Variants in SLC26A5 observed in about 807,000 individuals in gnomAD.
SLC26A5 encodes prestin.
SLC26A5 carries 51 observed loss-of-function variants against 81.0 expected under a neutral mutation model. The ratio of observed to expected loss-of-function variants is 0.63; its 90% CI spans 0.50 to 0.80. The LOEUF is 0.80. Among genes scored for constraint, SLC26A5 ranks in the 30% least tolerant of loss-of-function variants. The probability of loss-of-function intolerance (pLI) is 0.00; values close to 1 mark genes in which losing one functional copy is unlikely to be tolerated. For synonymous variants in SLC26A5, 325 were observed against 332.8 expected, an observed-to-expected ratio of 0.98 and a Z score of 0.25; for missense variants, 771 against 905.8, an observed-to-expected ratio of 0.85 and a Z score of 1.91.
intron 2 of SLC26A5, among the ~76,000 whole-genome samples, chr7:103,438,354 T>C (rs1826618487): frequency 1.3e-5 from 2 of 151,938 alleles, no homozygotes; most frequent in African/African-American, 4.8e-5. Context: ...TTCGTCATAA[T>C]TTTAAAAAAA....
rs554189303 is a variant in SLC26A5 at position 103,363,110 on chromosome 7, T to TA, written c.2042-10185_2042-10184insT. Among the ~76,000 whole-genome samples, 41 of 152,272 alleles carry TA rather than the reference T, an allele frequency of 2.7e-4. No individual in the cohort carries two copies. The East Asian group carries it at 6.8e-3, about 25-fold the overall frequency. ...AGCCCGGCAGTATTTTATATATATA[T>TA]TTTTTGAGACAGAGTCTCAGCCTGT... On this transcript the variant is annotated intron_variant, in intron 19 of 19. Coordinates refer to the SLC26A5 transcript ENST00000339444.
intron 8 of SLC26A5, among the ~76,000 whole-genome samples, chr7:103,400,392 G>A (rs1395770998): frequency 6.6e-6 from 1 of 152,148 alleles, no homozygotes; most frequent in Non-Finnish European, 1.5e-5. Flanking sequence ...TCTGTTCATA[G>A]CCTTTGCCCA....
At chr7:103,411,618 A>G in intron 5 of SLC26A5, 32 bp from the exon 6 acceptor site, 1 of 1,613,268 alleles carries the variant, frequency 6.2e-7, no homozygotes, top group Non-Finnish European at 8.5e-7. Flanking sequence ...ATCCCTGTTC[A>G]GGGTTCAGAG....
chr7:103,415,535 G>C (rs1165885471), intron 4 of SLC26A5, among the ~76,000 whole-genome samples: 1 of 152,160 alleles, frequency 6.6e-6, no homozygotes, highest in Admixed American at 6.5e-5. Context: ...TGAAGGCCAG[G>C]GGTGCTGCTA....
At chr7:103,436,621 C>T (rs528633080) in intron 2 of SLC26A5, among the ~76,000 whole-genome samples, 2 of 152,220 alleles carry the variant, frequency 1.3e-5, no homozygotes, top group East Asian at 3.9e-4. Context: ...AAAGCATGTG[C>T]CAAGCCCAAA....
chr7:103,360,660 G>A (rs556045187), intron 19 of SLC26A5, among the ~76,000 whole-genome samples: 1 of 152,264 alleles, frequency 6.6e-6, no homozygotes, highest in East Asian at 1.9e-4. Context: ...TTATGTAGCA[G>A]CTTTCTAATG....
intron 8 of SLC26A5, among the ~76,000 whole-genome samples, chr7:103,399,937 A>G (rs1298881170): frequency 1.3e-5 from 2 of 152,094 alleles, no homozygotes; most frequent in Non-Finnish European, 2.9e-5. Flanking sequence ...TCCATGGTGT[A>G]TATGTGCCAC....
rs1472364379 is a variant in SLC26A5, at chr7:103,420,827, G to A, written c.203C>T (p.Thr68Ile). Residue 68 changes from threonine to isoleucine, a missense_variant, in exon 4 of 20, where the codon ACT becomes ATT. Coordinates refer to ENST00000306312, the MANE Select transcript of SLC26A5 (RefSeq NM_198999.3). ...GAATTTGTATGCTGGCAGCCATTTAGTTATGGGTAGGAACATATAAATGAT... is the reference window on the plus strand; with the variant it reads ...GAATTTGTATGCTGGCAGCCATTTAATTATGGGTAGGAACATATAAATGAT... ...RNIIYMFLPI[T>I]KWLPAYKFKE... 1 of 1,613,668 alleles carries A rather than the reference G, an allele frequency of 6.2e-7. No homozygotes were observed. The highest frequency in any genetic ancestry group is 8.5e-7 in the Non-Finnish European group (1 of 1,179,572).
At chr7:103,381,511 CACACAATACCAT>C (rs552185926) in intron 14 of SLC26A5, among the ~76,000 whole-genome samples, 132 of 151,138 alleles carry the variant, frequency 8.7e-4, no homozygotes, top group African/African-American at 3.0e-3. Flanking sequence ...CTACATGCCA[CACACAATACCAT>C]ACACAATACA....
intron 15 of SLC26A5, among the ~76,000 whole-genome samples, chr7:103,379,612 C>T (rs532385678): frequency 4.8e-4 from 73 of 152,082 alleles, no homozygotes; most frequent in Non-Finnish European, 4.7e-4. Context: ...AGTCAGTCTT[C>T]GTTTTATTTT....
At chr7:103,429,287 C>G (rs1825902753) in intron 2 of SLC26A5, among the ~76,000 whole-genome samples, 1 of 152,196 alleles carries the variant, frequency 6.6e-6, no homozygotes, top group South Asian at 2.1e-4. Context: ...AAATAATTTA[C>G]ACATTTATAA....
chr7:103,352,806 C>A, exon 20 of SLC26A5: 1 of 779,994 alleles, frequency 1.3e-6, no homozygotes, highest in South Asian at 1.3e-5. Context: ...TGAGGTCACC[C>A]CACTAACAGA....
At chr7:103,381,796 T>C (rs1187958774) in intron 14 of SLC26A5, among the ~76,000 whole-genome samples, 1 of 149,128 alleles carries the variant, frequency 6.7e-6, no homozygotes, top group Admixed American at 6.7e-5. Flanking sequence ...CATATACACA[T>C]GCATATACAA....
At chr7:103,421,595 T>C in intron 2 of SLC26A5, 28 bp from the exon 3 acceptor site, 1 of 1,470,016 alleles carries the variant, frequency 6.8e-7, no homozygotes, top group Non-Finnish European at 9.4e-7. Flanking sequence ...AACTCCATTT[T>C]ACTTGCCAAA....
chr7:103,386,928 G>A (rs1026738479), intron 14 of SLC26A5, among the ~76,000 whole-genome samples: 2 of 151,826 alleles, frequency 1.3e-5, no homozygotes, highest in Non-Finnish European at 2.9e-5. Flanking sequence ...CACCTGGCTC[G>A]CTTTTGTAAT....
chr7:103,374,218 A>C lies in SLC26A5; in HGVS notation c.*181T>G. 1 of 1,404,558 alleles carries C rather than the reference A, an allele frequency of 7.1e-7. No homozygotes were observed. The highest frequency in any genetic ancestry group is 9.2e-7 in the Non-Finnish European group (1 of 1,083,964). 87.0% of individuals were successfully genotyped at this position (1,404,558 alleles called of 1,614,324 possible). ...AGGCAACAGGCCAATTTATCTTTGA[A>C]GTATTCAATTAAAAAAACACAAGTA... On this transcript the variant is annotated 3_prime_UTR_variant, in exon 20 of 20. Coordinates refer to ENST00000306312, the MANE Select transcript of SLC26A5 (RefSeq NM_198999.3).
chr7:103,377,005 C>T (rs1821402793), intron 18 of SLC26A5, 143 bp from the exon 19 acceptor site: 1 of 610,908 alleles, frequency 1.6e-6, no homozygotes, highest in East Asian at 2.9e-5. Context: ...TATTTTTGAG[C>T]TAATCAGTTA....
chr7:103,355,678 A>T (rs764475256), intron 19 of SLC26A5: 2 of 1,596,348 alleles, frequency 1.3e-6, no homozygotes, highest in South Asian at 2.2e-5. Flanking sequence ...AAATTTTGTC[A>T]TCTTTCTCTA....
At position 103,412,088 on chromosome 7, in the gene SLC26A5, A is replaced by G. The variant is rs867475767; in HGVS notation, c.404-502T>C. On this transcript the variant is annotated intron_variant, in intron 5 of 19. Transcript: ENST00000306312. ...GAGGGAAGGGAGGGAGGAAAAAGGGAGAGAGGAAGAATTACCCAGACCAGC... is the reference window on the plus strand; with the variant it reads ...GAGGGAAGGGAGGGAGGAAAAAGGGGGAGAGGAAGAATTACCCAGACCAGC... 8.5e-5 allele frequency among the ~76,000 whole-genome samples: 13 copies of G among 152,288 alleles called. No homozygotes were observed. The South Asian group carries it at 1.5e-3, about 17-fold the overall frequency.
Sources: allele counts gnomAD v4.1 joint callset (sites outside exome capture counted in the v4.1 genomes callset), GRCh38; gene constraint gnomAD v4.1.1; transcripts MANE v1.5; gene names NCBI Gene and HGNC (gene_info 2026-07-23, HGNC 2026-07-21).